Variants in NCEH1 observed in about 807,000 individuals in gnomAD.
NCEH1 encodes neutral cholesterol ester hydrolase 1.
Under a neutral mutation model 25.4 loss-of-function variants are expected in NCEH1, and 9 were observed. That is an observed-to-expected ratio of 0.35 (90% CI 0.21 to 0.62). The LOEUF (loss-of-function observed/expected upper bound fraction) is 0.62, where lower values mean the gene tolerates loss of function less well. Ranked by LOEUF, NCEH1 falls within the 20% of genes least tolerant of loss-of-function variation. NCEH1 has a pLI of 0.72. For synonymous variants in NCEH1, 200 were observed against 199.8 expected (o/e 1.00, Z -0.01); for missense variants, 412 against 501.1 (o/e 0.82, Z 1.70).
intron 1 of NCEH1, among the ~76,000 whole-genome samples, chr3:172,653,717 T>C (rs530457132): frequency 8.0e-4 from 84 of 105,550 alleles, no homozygotes; most frequent in African/African-American, 2.9e-3. Flanking sequence ...GGTTTGTTTT[T>C]GTTGTTGTTG....
chr3:172,645,377 A>C (rs918367411), intron 3 of NCEH1, among the ~76,000 whole-genome samples: 5 of 152,178 alleles, frequency 3.3e-5, no homozygotes, highest in Admixed American at 6.5e-5. Flanking sequence ...GTTTTTAGTT[A>C]ATCCTTTTTT....
At chr3:172,705,568 C>T (rs957185915) in intron 1 of NCEH1, among the ~76,000 whole-genome samples, 4 of 152,308 alleles carry the variant, frequency 2.6e-5, no homozygotes, top group Middle Eastern at 3.4e-3. Flanking sequence ...CCTGCCCTGC[C>T]TGCCACCACT....
At position 172,631,759 on chromosome 3, in the gene NCEH1, TG is replaced by T. The variant is rs2108484670; in HGVS notation, c.*1715del. 6.5e-6 allele frequency: 1 copy of T among 152,716 alleles called. No homozygotes were observed. Among genetic ancestry groups the T allele is most frequent in the African/African-American group, 2.4e-5 (1 of 41,582 alleles). The allele number at this position is 152,716 out of a possible 1,614,324, so 9.5% of individuals were successfully genotyped here. A position where few individuals can be genotyped will look rare whatever the true frequency, so the allele number is the denominator to read the frequency against. On this transcript the variant is annotated 3_prime_UTR_variant, in exon 5 of 5. Coordinates refer to ENST00000475381, the MANE Select transcript of NCEH1 (RefSeq NM_020792.6). ...AACTTTTCATTTGTTATTTCGTTGC[TG>T]GAAGTGGGAAATACCCCATCTTCCC... is the stretch of plus-strand genomic sequence containing the variant.
chr3:172,682,191 G>A (rs1324311733), intron 1 of NCEH1, among the ~76,000 whole-genome samples: 1 of 152,138 alleles, frequency 6.6e-6, no homozygotes, highest in South Asian at 2.1e-4. Flanking sequence ...AGAAGGTTCC[G>A]AGTTTAGGGA....
chr3:172,653,734 TG>T (rs1717525972), intron 1 of NCEH1, among the ~76,000 whole-genome samples: 1 of 63,448 alleles, frequency 1.6e-5, no homozygotes, highest in Non-Finnish European at 2.9e-5. Context: ...GTTGTTGTTC[TG>T]TTTTTTTTGT....
At chr3:172,634,979 C>A (rs141413499) in intron 4 of NCEH1, among the ~76,000 whole-genome samples, 1 of 152,286 alleles carries the variant, frequency 6.6e-6, no homozygotes, top group African/African-American at 2.4e-5. Flanking sequence ...TACACATCAC[C>A]TCACTAAGTC....
rs1315323834 is a variant in NCEH1, at chr3:172,675,310, TAAA to T, written c.139-27199_139-27197del. Among the ~76,000 whole-genome samples, 613 of 95,604 alleles carry T rather than the reference TAAA, an allele frequency of 6.4e-3. 13 individuals carry two copies. The highest frequency in any genetic ancestry group is 1.6e-3 in the Non-Finnish European group (59 of 37,660). The allele number at this position is 95,604 out of a possible 152,430, so 62.7% of individuals were successfully genotyped here. A position where few individuals can be genotyped will look rare whatever the true frequency, so the allele number is the denominator to read the frequency against. On this transcript the variant is annotated intron_variant, in intron 1 of 4. Transcript: ENST00000475381. ...AGAGCAAGATCCTGTCTCAAATAAA[TAAA>T]TAAATAAATAAATAAATAAATAAAT... is the stretch of plus-strand genomic sequence containing the variant.
At chr3:172,701,186 G>A (rs964349502) in intron 1 of NCEH1, among the ~76,000 whole-genome samples, 50 of 152,206 alleles carry the variant, frequency 3.3e-4, no homozygotes, top group Non-Finnish European at 1.3e-4. Flanking sequence ...GCCATCCTTG[G>A]ACTAGTCCAC....
intron 1 of NCEH1, among the ~76,000 whole-genome samples, chr3:172,681,810 G>C (rs1009448892): frequency 2.0e-5 from 3 of 151,700 alleles, no homozygotes; most frequent in Admixed American, 1.3e-4. Context: ...AGGATGCTGA[G>C]GCAGGAGAAT....
intron 1 of NCEH1, among the ~76,000 whole-genome samples, chr3:172,676,855 T>A (rs760673421): frequency 6.6e-6 from 1 of 152,104 alleles, no homozygotes; most frequent in Admixed American, 6.6e-5. Flanking sequence ...ATGAGACTTT[T>A]AAAAAATTAA....
chr3:172,702,965 C>T (rs979959170), intron 1 of NCEH1, among the ~76,000 whole-genome samples: 3 of 152,048 alleles, frequency 2.0e-5, no homozygotes, highest in African/African-American at 7.2e-5. Context: ...GCATCCCTGC[C>T]TGGGTGACAG....
intron 1 of NCEH1, among the ~76,000 whole-genome samples, chr3:172,669,221 G>A (rs551280277): frequency 1.4e-4 from 21 of 152,304 alleles, no homozygotes; most frequent in South Asian, 4.1e-4. Context: ...TCCACTGTTC[G>A]TGTGGGCAGG....
chr3:172,673,656 A>C (rs961236322), intron 1 of NCEH1, among the ~76,000 whole-genome samples: 2 of 152,218 alleles, frequency 1.3e-5, no homozygotes, highest in African/African-American at 4.8e-5. Context: ...TGTAGGGAAC[A>C]CTGAAAGGGA....
rs1716365842 is a variant in NCEH1, at chr3:172,631,775, C to T, written c.*1700G>A. On this transcript the variant is annotated 3_prime_UTR_variant, in exon 5 of 5. Transcript: ENST00000475381. The stretch of plus-strand genomic sequence containing the variant: ...TTTCGTTGCTGGAAGTGGGAAATAC[C>T]CCATCTTCCCAGGAGTGAAATGGTT... 1 of 152,332 alleles carries T rather than the reference C, an allele frequency of 6.6e-6. No homozygotes were observed. The highest frequency in any genetic ancestry group is 1.5e-5 in the Non-Finnish European group (1 of 67,990). 9.4% of individuals were successfully genotyped at this position (152,332 alleles called of 1,614,324 possible).
chr3:172,635,810 G>T, intron 4 of NCEH1, 106 bp downstream of exon 4: 2 of 1,046,512 alleles, frequency 1.9e-6, no homozygotes, highest in Non-Finnish European at 1.4e-6. Flanking sequence ...TCTAGTGACC[G>T]GCCCACCCAG....
At chr3:172,647,131 T>C (rs932336431) in intron 2 of NCEH1, among the ~76,000 whole-genome samples, 1 of 151,986 alleles carries the variant, frequency 6.6e-6, no homozygotes, top group African/African-American at 2.4e-5. Context: ...AATCACATAA[T>C]GATAAAATAA....
intron 1 of NCEH1, among the ~76,000 whole-genome samples, chr3:172,691,344 CATT>C (rs554910556): frequency 1.2e-3 from 189 of 152,328 alleles, no homozygotes; most frequent in African/African-American, 4.3e-3. Flanking sequence ...GTTGCATTAT[CATT>C]ATGAGCTTCT....
chr3:172,705,860 T>C (rs989977947), intron 1 of NCEH1, among the ~76,000 whole-genome samples: 7 of 152,112 alleles, frequency 4.6e-5, no homozygotes, highest in African/African-American at 1.7e-4. Context: ...TAGCCAGGCA[T>C]GGTGGCGGGC....
intron 1 of NCEH1, among the ~76,000 whole-genome samples, chr3:172,672,529 CCT>C (rs201289082): frequency 0.015 from 2,329 of 152,236 alleles, 57 homozygotes; most frequent in African/African-American, 0.053. Context: ...CCTTTTATCC[CCT>C]GATTCAGTGG....
Sources: allele counts gnomAD v4.1 joint callset (sites outside exome capture counted in the v4.1 genomes callset), GRCh38; gene constraint gnomAD v4.1.1; transcripts MANE v1.5; gene names NCBI Gene and HGNC (gene_info 2026-07-23, HGNC 2026-07-21).